Variants in PDE1A observed in about 807,000 individuals in gnomAD.
The protein encoded by PDE1A is dual specificity calcium/calmodulin-dependent 3',5'-cyclic nucleotide phosphodiesterase 1A.
Under a neutral mutation model 61.7 loss-of-function variants are expected in PDE1A, and 35 were observed. The ratio of observed to expected loss-of-function variants is 0.57; its 90% CI spans 0.43 to 0.75. The LOEUF (loss-of-function observed/expected upper bound fraction) is 0.75, where lower values mean the gene tolerates loss of function less well. PDE1A is among the 30% of genes least tolerant of loss of function. The probability of loss-of-function intolerance (pLI) is 0.00; values close to 1 mark genes in which losing one functional copy is unlikely to be tolerated. For missense variants in PDE1A, 597 were observed against 630.6 expected (o/e 0.95, Z 0.57); for synonymous variants, 232 against 213.2 (o/e 1.09, Z -0.77).
At chr2:182,476,453 C>T (rs1687370935) in intron 2 of PDE1A, among the ~76,000 whole-genome samples, 2 of 152,008 alleles carry the variant, frequency 1.3e-5, no homozygotes, top group South Asian at 4.1e-4. Flanking sequence ...ATCCCCACTG[C>T]ACTCAAACCT....
At chr2:182,602,573 C>T in the PDE1A span, among the ~76,000 whole-genome samples, 5 of 152,164 alleles carry the variant, frequency 3.3e-5, no homozygotes, top group Non-Finnish European at 5.9e-5. Context: ...CTAACAGATG[C>T]AAATATCTAT....
chr2:182,705,006 T>C, the PDE1A span, among the ~76,000 whole-genome samples: 2 of 152,246 alleles, frequency 1.3e-5, no homozygotes, highest in East Asian at 3.8e-4. Context: ...GATTCTTAGA[T>C]AGATCCTGGA....
chr2:182,683,095 C>CTT, the PDE1A span, among the ~76,000 whole-genome samples: 3 of 137,860 alleles, frequency 2.2e-5, no homozygotes, highest in South Asian at 2.3e-4. Flanking sequence ...TTTTTCTTTT[C>CTT]TTTTTTTTTT....
the PDE1A span, among the ~76,000 whole-genome samples, chr2:182,604,866 T>C: frequency 6.6e-6 from 1 of 152,154 alleles, no homozygotes; most frequent in Non-Finnish European, 1.5e-5. Context: ...ACCAAGTGTT[T>C]AGTATTATAC....
the PDE1A span, among the ~76,000 whole-genome samples, chr2:182,639,491 C>T: frequency 6.6e-6 from 1 of 152,258 alleles, no homozygotes; most frequent in East Asian, 1.9e-4. Flanking sequence ...TCACTTGAAC[C>T]CAAGAGGCAG....
At chr2:182,624,979 C>G in the PDE1A span, among the ~76,000 whole-genome samples, 1 of 151,998 alleles carries the variant, frequency 6.6e-6, no homozygotes, top group Admixed American at 6.6e-5. Flanking sequence ...AAGCTCTAAT[C>G]CCCAGTGTAA....
At chr2:182,624,632 T>C in the PDE1A span, among the ~76,000 whole-genome samples, 1 of 152,222 alleles carries the variant, frequency 6.6e-6, no homozygotes, top group African/African-American at 2.4e-5. Context: ...TGTAAATTTC[T>C]GTCTTGAGCC....
chr2:182,665,089 A>G, the PDE1A span, among the ~76,000 whole-genome samples: 2 of 152,346 alleles, frequency 1.3e-5, no homozygotes, highest in South Asian at 2.1e-4. Context: ...ATGAAAAATT[A>G]TAAACATATA....
chr2:182,249,823 T>A (rs1691267752), intron 2 of PDE1A, among the ~76,000 whole-genome samples: 1 of 150,496 alleles, frequency 6.6e-6, no homozygotes, highest in South Asian at 2.1e-4. Context: ...AGGATCGATA[T>A]AGATGATAAT....
chr2:182,156,539 C>T (rs978828689), intron 13 of PDE1A, among the ~76,000 whole-genome samples: 1 of 152,140 alleles, frequency 6.6e-6, no homozygotes, highest in African/African-American at 2.4e-5. Context: ...AAAAGCACAA[C>T]AGTGAAGTTT....
chr2:182,186,132 C>A, intron 12 of PDE1A, 53 bp from the exon 13 acceptor site: 1 of 1,568,900 alleles, frequency 6.4e-7, no homozygotes, highest in East Asian at 2.2e-5. Context: ...ATGGGGTGAA[C>A]AAGGAAAACC....
intron 2 of PDE1A, among the ~76,000 whole-genome samples, chr2:182,445,990 T>C (rs1685105855): frequency 6.6e-6 from 1 of 152,098 alleles, no homozygotes; most frequent in African/African-American, 2.4e-5. Context: ...CCATGAATAT[T>C]CAGTATTTAT....
chr2:182,650,985 G>A, the PDE1A span, among the ~76,000 whole-genome samples: 3 of 151,968 alleles, frequency 2.0e-5, no homozygotes, highest in Admixed American at 6.6e-5. Context: ...TTTGTGTTTT[G>A]TTTTTTGGGT....
intron 13 of PDE1A, among the ~76,000 whole-genome samples, chr2:182,178,188 C>T (rs1684441502): frequency 6.6e-6 from 1 of 152,082 alleles, no homozygotes; most frequent in South Asian, 2.1e-4. Flanking sequence ...TATCCTTTGT[C>T]TTCAAATTCA....
At chr2:182,511,328 G>A (rs1029882347) in intron 2 of PDE1A, among the ~76,000 whole-genome samples, 4 of 151,986 alleles carry the variant, frequency 2.6e-5, no homozygotes, top group African/African-American at 9.7e-5. Flanking sequence ...ACCCTGAGCT[G>A]AAGAGAAAGG....
At chr2:182,197,392 T>C (rs1349061063) in intron 10 of PDE1A, among the ~76,000 whole-genome samples, 1 of 151,728 alleles carries the variant, frequency 6.6e-6, no homozygotes, top group Non-Finnish European at 1.5e-5. Context: ...GATCAGAAGT[T>C]TTGAGTTTTG....
chr2:182,372,634 C>T (rs1391423742), intron 1 of PDE1A, among the ~76,000 whole-genome samples: 7 of 152,114 alleles, frequency 4.6e-5, no homozygotes, highest in Non-Finnish European at 8.8e-5. Context: ...TAGTCTGACC[C>T]TGAAGAGTGA....
chr2:182,286,920 A>C (rs1694203200), intron 1 of PDE1A, among the ~76,000 whole-genome samples: 1 of 152,142 alleles, frequency 6.6e-6, no homozygotes. Flanking sequence ...TCCTACAAGA[A>C]GCCAGAGTTT....
At chr2:182,371,666 T>C (rs1306029026) in intron 1 of PDE1A, among the ~76,000 whole-genome samples, 1 of 152,250 alleles carries the variant, frequency 6.6e-6, no homozygotes, top group Non-Finnish European at 1.5e-5. Flanking sequence ...AAGGTGATAG[T>C]AATAACCATT....
Sources: gnomAD v4.1 joint callset for allele counts (sites outside exome capture counted in the v4.1 genomes callset) on GRCh38, gnomAD v4.1.1 for gene constraint, MANE v1.5 for transcripts, NCBI Gene and HGNC (gene_info 2026-07-23, HGNC 2026-07-21) for gene names.